The following SLC20A2 variants were observed in gnomAD, a reference collection of about 807,000 sequenced individuals.
SLC20A2 encodes the protein solute carrier family 20 member 2.
A neutral mutation model predicts 61.0 loss-of-function variants in SLC20A2; 30 were observed. That is an observed-to-expected ratio of 0.49 (90% CI 0.37 to 0.67). The LOEUF is 0.67. Among genes scored for constraint, SLC20A2 ranks in the 30% least tolerant of loss-of-function variants. The pLI is 0.00. For synonymous variants in SLC20A2, 351 were observed against 353.3 expected, an observed-to-expected ratio of 0.99 and a Z score of 0.07; for missense variants, 626 against 866.4, an observed-to-expected ratio of 0.72 and a Z score of 3.48.
chr8:42,455,223 T>TTA (rs1232018845), intron 5 of SLC20A2, among the ~76,000 whole-genome samples: 1 of 49,864 alleles, frequency 2.0e-5, no homozygotes, highest in African/African-American at 9.4e-5. Context: ...AGACTCCGTC[T>TTA]AAAAAAAAAA....
intron 1 of SLC20A2, among the ~76,000 whole-genome samples, chr8:42,533,654 C>CTTTTTTTCTTTTTTTTTGTTTTTTT: frequency 1.8e-5 from 1 of 55,298 alleles, no homozygotes; most frequent in Non-Finnish European, 3.3e-5. Flanking sequence ...ATCAACTGTT[C>CTTTTTTTCTTTTTTTTTGTTTTTTT]TTTTTTTTTT....
intron 1 of SLC20A2, among the ~76,000 whole-genome samples, chr8:42,527,276 T>C (rs188611475): frequency 2.5e-4 from 38 of 151,148 alleles, no homozygotes; most frequent in Non-Finnish European, 4.6e-4. Context: ...TGGTGGGGTA[T>C]GCCTGTAATC....
chr8:42,461,774 A>T (rs1463479111), intron 4 of SLC20A2, among the ~76,000 whole-genome samples: 1 of 151,426 alleles, frequency 6.6e-6, no homozygotes, highest in Non-Finnish European at 1.5e-5. Context: ...TCTTCCCTCC[A>T]CTTTCTTTCT....
chr8:42,534,929 T>C (rs964875641), intron 1 of SLC20A2: 1 of 152,220 alleles, frequency 6.6e-6, no homozygotes, highest in Non-Finnish European at 1.5e-5. Flanking sequence ...TACTAGCCAT[T>C]GCAGTAGTGG....
chr8:42,533,545 G>A (rs1490380571), intron 1 of SLC20A2, among the ~76,000 whole-genome samples: 1 of 152,018 alleles, frequency 6.6e-6, no homozygotes, highest in Non-Finnish European at 1.5e-5. Flanking sequence ...GAGCCCAGGA[G>A]GTGGAGGTTA....
intron 1 of SLC20A2, among the ~76,000 whole-genome samples, chr8:42,495,275 G>C (rs2131328587): frequency 6.6e-6 from 1 of 152,288 alleles, no homozygotes; most frequent in Non-Finnish European, 1.5e-5. Context: ...TCTTTGTACA[G>C]AAATGAAAAT....
chr8:42,540,723 A>G (rs1181843969), intron 1 of SLC20A2, among the ~76,000 whole-genome samples: 1 of 152,206 alleles, frequency 6.6e-6, no homozygotes, highest in African/African-American at 2.4e-5. Context: ...AGAGAACTTA[A>G]TCAAAATGTA....
intron 5 of SLC20A2, among the ~76,000 whole-genome samples, chr8:42,452,931 T>TCC: frequency 6.6e-6 from 1 of 152,170 alleles, no homozygotes; most frequent in Non-Finnish European, 1.5e-5. Context: ...ACGTTTCTGG[T>TCC]AAGAGACGTG....
chr8:42,455,398 C>T (rs562582712), intron 5 of SLC20A2, among the ~76,000 whole-genome samples: 1 of 151,588 alleles, frequency 6.6e-6, no homozygotes, highest in Non-Finnish European at 1.5e-5. Context: ...CGGTGGCTCA[C>T]GCCTGTAATC....
chr8:42,536,102 T>C (rs1207110981), intron 1 of SLC20A2, among the ~76,000 whole-genome samples: 1 of 152,212 alleles, frequency 6.6e-6, no homozygotes, highest in Non-Finnish European at 1.5e-5. Context: ...AACTACAATA[T>C]AGACTATTTT....
At chr8:42,458,158 C>T (rs1003583118) in intron 5 of SLC20A2, among the ~76,000 whole-genome samples, 25 of 152,174 alleles carry the variant, frequency 1.6e-4, no homozygotes, top group Admixed American at 6.5e-5. Context: ...GTTGATGTCA[C>T]AGATCCCACA....
intron 1 of SLC20A2, among the ~76,000 whole-genome samples, chr8:42,517,608 G>A (rs1811395458): frequency 6.6e-6 from 1 of 152,142 alleles, no homozygotes; most frequent in South Asian, 2.1e-4. Flanking sequence ...GGACCTCCAT[G>A]AAGCCCACCA....
chr8:42,515,371 TCAAGATAATA>T (rs1174071739), intron 1 of SLC20A2, among the ~76,000 whole-genome samples: 3 of 152,072 alleles, frequency 2.0e-5, no homozygotes, highest in African/African-American at 7.2e-5. Context: ...CATGCTGTGT[TCAAGATAATA>T]CAAGACATAC....
intron 4 of SLC20A2, 164 bp from the exon 5 acceptor site, chr8:42,460,156 C>A: frequency 1.9e-6 from 1 of 537,204 alleles, no homozygotes; most frequent in Non-Finnish European, 3.4e-6. Flanking sequence ...TCCACTTCTG[C>A]AGAAATGGCA....
At chr8:42,464,010 G>A (rs552217009) in intron 3 of SLC20A2, among the ~76,000 whole-genome samples, 16 of 150,008 alleles carry the variant, frequency 1.1e-4, no homozygotes, top group South Asian at 2.1e-4. Flanking sequence ...GCAGGCTTAC[G>A]TCTTGGTCCC....
At chr8:42,448,860 T>C (rs1418994957) in intron 5 of SLC20A2, among the ~76,000 whole-genome samples, 2 of 152,210 alleles carry the variant, frequency 1.3e-5, no homozygotes, top group African/African-American at 4.8e-5. Context: ...GAGAATCAGA[T>C]GAGCACAAGG....
rs1279616605 is a variant in SLC20A2 at position 42,417,601 on chromosome 8, A to G, written c.*202T>C. On this transcript the variant is annotated 3_prime_UTR_variant, in exon 11 of 11. Transcript: ENST00000520262. ...CAGTTTAATACATATTATTATGTAC[A>G]GTAGTTAAGTTAGCTCGGGAAGGTG... is the stretch of plus-strand genomic sequence containing the variant. 8 of 498,612 alleles carry G rather than the reference A, an allele frequency of 1.6e-5. No homozygotes were observed. Among genetic ancestry groups the G allele is most frequent in the Non-Finnish European group, 2.9e-5 (8 of 276,916 alleles). 30.9% of individuals were successfully genotyped at this position (498,612 alleles called of 1,614,324 possible).
intron 1 of SLC20A2, among the ~76,000 whole-genome samples, chr8:42,525,144 G>A (rs1231864383): frequency 6.6e-6 from 1 of 152,134 alleles, no homozygotes; most frequent in Non-Finnish European, 1.5e-5. Flanking sequence ...GACTGCTGGT[G>A]CCACACCCAC....
chr8:42,462,496 C>T (rs957520700), intron 4 of SLC20A2, among the ~76,000 whole-genome samples: 3 of 151,974 alleles, frequency 2.0e-5, no homozygotes, highest in South Asian at 2.1e-4. Flanking sequence ...TCAGTAAGCA[C>T]TAATTTTTTT....
Sources: allele counts gnomAD v4.1 joint callset (sites outside exome capture counted in the v4.1 genomes callset), GRCh38; gene constraint gnomAD v4.1.1; transcripts MANE v1.5; gene names NCBI Gene and HGNC (gene_info 2026-07-23, HGNC 2026-07-21).